ANO2: variants seen among roughly 807,000 people sequenced by gnomAD.
ANO2 encodes anoctamin-2.
ANO2 carries 101 observed loss-of-function variants against 124.2 expected under a neutral mutation model. The ratio of observed to expected loss-of-function variants is 0.81; its 90% CI spans 0.69 to 0.96. The LOEUF (loss-of-function observed/expected upper bound fraction) is 0.96. Ranked by LOEUF, ANO2 falls within the 40% of genes least tolerant of loss-of-function variation. The pLI is 0.00. For synonymous variants in ANO2, 486 were observed against 482.5 expected, an observed-to-expected ratio of 1.01 and a Z score of -0.09; for missense variants, 1,293 against 1,274.5, an observed-to-expected ratio of 1.01 and a Z score of -0.22.
intron 4 of ANO2, among the ~76,000 whole-genome samples, chr12:5,842,338 G>A (rs1046723461): frequency 6.6e-6 from 1 of 152,086 alleles, no homozygotes; most frequent in African/African-American, 2.4e-5. Flanking sequence ...CGGAGGGGTG[G>A]ATGGAAAACG....
intron 14 of ANO2, among the ~76,000 whole-genome samples, chr12:5,648,381 TC>T (rs1946748880): frequency 6.6e-6 from 1 of 152,200 alleles, no homozygotes; most frequent in Non-Finnish European, 1.5e-5. Flanking sequence ...TATTATGTGC[TC>T]CCCCTCGTCA....
intron 1 of ANO2, among the ~76,000 whole-genome samples, chr12:5,935,091 T>A (rs1942590853): frequency 6.6e-6 from 1 of 152,204 alleles, no homozygotes; most frequent in Non-Finnish European, 1.5e-5. Context: ...ATTTATAGTC[T>A]GTAGGAAAGT....
intron 20 of ANO2, among the ~76,000 whole-genome samples, chr12:5,583,192 G>C (rs567457481): frequency 6.6e-6 from 1 of 152,294 alleles, no homozygotes; most frequent in African/African-American, 2.4e-5. Context: ...TGTGACCTGA[G>C]AGCACTGCAC....
intron 3 of ANO2, among the ~76,000 whole-genome samples, chr12:5,887,179 A>AT (rs1001501690): frequency 2.0e-5 from 3 of 152,240 alleles, no homozygotes; most frequent in East Asian, 1.9e-4. Flanking sequence ...TTAGGCTAGG[A>AT]TTTTTTTTAA....
At chr12:5,568,504 C>T (rs1376684126) in intron 23 of ANO2, among the ~76,000 whole-genome samples, 4 of 152,182 alleles carry the variant, frequency 2.6e-5, no homozygotes, top group African/African-American at 9.7e-5. Flanking sequence ...TCCTAAGCCC[C>T]TACCACCAGG....
chr12:5,812,542 G>A (rs1263303953), intron 7 of ANO2, among the ~76,000 whole-genome samples: 1 of 139,412 alleles, frequency 7.2e-6, no homozygotes, highest in Admixed American at 7.1e-5. Context: ...GGGCAGGCAG[G>A]CAAGCGAAGA....
chr12:5,596,980 G>C (rs58499918), intron 20 of ANO2, among the ~76,000 whole-genome samples: 3,954 of 152,086 alleles, frequency 0.026, 110 homozygotes, highest in East Asian at 0.11. Flanking sequence ...TCTTGATAAG[G>C]GCAAGTGGGT....
rs894151795 is a variant in ANO2 at position 5,787,985 on chromosome 12, C to G, written c.1055+11522G>C. On this transcript the variant is annotated intron_variant, in intron 10 of 24. Coordinates refer to ENST00000682330, the MANE Select transcript of ANO2 (RefSeq NM_001364791.2). The surrounding 1 kb of genome is among the most constrained non-coding windows in gnomAD (Gnocchi z 4.2). ...TTGTCAGTAAATACTAACTCCTATG[C>G]TAGCCTTCCCAGCTCCATGGATTTG... Among the ~76,000 whole-genome samples, 5 of 152,208 alleles carry G rather than the reference C, an allele frequency of 3.3e-5. No homozygotes were observed. Among genetic ancestry groups the G allele is most frequent in the African/African-American group, 9.7e-5 (4 of 41,448 alleles).
intron 10 of ANO2, among the ~76,000 whole-genome samples, chr12:5,768,533 A>C (rs555222738): frequency 1.6e-4 from 24 of 152,358 alleles, no homozygotes; most frequent in Admixed American, 1.2e-3. Flanking sequence ...TCCTTTCTCA[A>C]GACCCACAAT....
intron 16 of ANO2, among the ~76,000 whole-genome samples, chr12:5,625,881 T>A (rs1945374260): frequency 6.6e-6 from 1 of 152,148 alleles, no homozygotes; most frequent in African/African-American, 2.4e-5. Flanking sequence ...AGTCCCCAGA[T>A]AAGGGAATTT....
rs1018547526 is a variant in ANO2 at position 5,640,267 on chromosome 12, G to A, written c.1621-4920C>T. On this transcript the variant is annotated intron_variant, in intron 15 of 24. Transcript: ENST00000682330. ...CTTCTGCCTAGGTTCAAGCACAGGGGTGAAGAAAGGAATGAGATGAGAGAT... is the reference window on the plus strand; with the variant it reads ...CTTCTGCCTAGGTTCAAGCACAGGGATGAAGAAAGGAATGAGATGAGAGAT... 2.6e-5 allele frequency among the ~76,000 whole-genome samples: 4 copies of A among 152,188 alleles called. No homozygotes were observed. The East Asian group carries it at 5.8e-4, about 22-fold the overall frequency.
chr12:5,806,088 T>C lies in ANO2; in HGVS notation c.954A>G (p.Glu318=), dbSNP rs775250779. ...TCATATCGTCCTCTGGACTATCGTA[T>C]TCACCCTGTGGAGAAAAAGTGATGC... The part of the protein sequence containing the change: ...YEAAYPLHDG[E]YDSPEDDMND... The change falls in exon 9 of 25, where the codon GAA becomes GAG. Residue 318 remains glutamate, a synonymous_variant. Transcript: ENST00000682330. The C allele has an allele frequency of 1.2e-6, 2 of 1,613,760 alleles. No individual in the cohort carries two copies. Among genetic ancestry groups the C allele is most frequent in the East Asian group, 4.5e-5 (2 of 44,870 alleles).
intron 23 of ANO2, among the ~76,000 whole-genome samples, chr12:5,573,311 A>G (rs919928393): frequency 6.6e-6 from 1 of 152,230 alleles, no homozygotes; most frequent in South Asian, 2.1e-4. Flanking sequence ...CCAATGGTCA[A>G]GGGCAAGATC....
intron 13 of ANO2, chr12:5,732,949 G>A: frequency 6.4e-7 from 1 of 1,566,048 alleles, no homozygotes; most frequent in Middle Eastern, 1.7e-4. Flanking sequence ...GAGGGGCCCA[G>A]TGCTTTGCAG....
At chr12:5,634,441 G>A (rs1945896267) in intron 16 of ANO2, among the ~76,000 whole-genome samples, 1 of 152,168 alleles carries the variant, frequency 6.6e-6, no homozygotes, top group Admixed American at 6.5e-5. Flanking sequence ...CATTCAGAGA[G>A]GGAAGGGATG....
intron 14 of ANO2, among the ~76,000 whole-genome samples, chr12:5,699,732 G>A (rs781460681): frequency 4.9e-4 from 74 of 152,236 alleles, no homozygotes; most frequent in Non-Finnish European, 8.5e-4. Context: ...TCAAAATAAA[G>A]GGATGGAGGA....
chr12:5,830,618 G>A (rs1954121488), intron 5 of ANO2, 129 bp from the exon 6 acceptor site: 3 of 630,186 alleles, frequency 4.8e-6, no homozygotes, highest in Admixed American at 3.0e-5. Flanking sequence ...ACACACACAC[G>A]ATGTTTATGC....
chr12:5,839,600 C>A (rs182115947), intron 4 of ANO2: 5 of 455,978 alleles, frequency 1.1e-5, no homozygotes, highest in Non-Finnish European at 4.4e-6. Context: ...TCTCTGGGTA[C>A]CTCCTAGATG....
At chr12:5,876,156 T>C (rs952634254) in intron 3 of ANO2, among the ~76,000 whole-genome samples, 2 of 152,186 alleles carry the variant, frequency 1.3e-5, no homozygotes, top group African/African-American at 4.8e-5. Flanking sequence ...AATTAAGTCC[T>C]AGAATATGAT....
Sources: allele counts gnomAD v4.1 joint callset (sites outside exome capture counted in the v4.1 genomes callset), GRCh38; gene constraint gnomAD v4.1.1; non-coding constraint Gnocchi (gnomAD v3.1); transcripts MANE v1.5; gene names NCBI Gene and HGNC (gene_info 2026-07-23, HGNC 2026-07-21).